ACSBG1: variants seen among roughly 807,000 people sequenced by gnomAD.
ACSBG1 encodes the protein acyl-CoA synthetase bubblegum family member 1.
A neutral mutation model predicts 80.2 loss-of-function variants in ACSBG1; 39 were observed. The observed-to-expected ratio is 0.49, with a 90% CI of 0.38 to 0.64. ACSBG1 has a LOEUF of 0.64. Among genes scored for constraint, ACSBG1 ranks in the 30% least tolerant of loss-of-function variants. The pLI, the probability that ACSBG1 is intolerant of heterozygous loss-of-function variation, is 0.00. For synonymous variants in ACSBG1, 392 were observed against 379.5 expected, an observed-to-expected ratio of 1.03 and a Z score of -0.38; for missense variants, 828 against 966.4, an observed-to-expected ratio of 0.86 and a Z score of 1.90.
chr15:78,200,817 C>T (rs892743164), intron 2 of ACSBG1, among the ~76,000 whole-genome samples: 2 of 152,170 alleles, frequency 1.3e-5, no homozygotes, highest in Non-Finnish European at 2.9e-5. Flanking sequence ...TTGCTAAATC[C>T]AGGTCTGACC....
intron 1 of ACSBG1, among the ~76,000 whole-genome samples, chr15:78,232,770 C>T (rs575965759): frequency 6.6e-6 from 1 of 152,018 alleles, no homozygotes; most frequent in South Asian, 2.1e-4. Context: ...CTGCAATTTC[C>T]ACCTCCCGGG....
intron 1 of ACSBG1, among the ~76,000 whole-genome samples, chr15:78,230,814 T>C (rs1284911157): frequency 6.6e-6 from 1 of 151,874 alleles, no homozygotes; most frequent in Non-Finnish European, 1.5e-5. Context: ...GTAAGTCCAA[T>C]AAACTTCTTT....
chr15:78,230,619 G>C (rs931367693), intron 1 of ACSBG1, among the ~76,000 whole-genome samples: 3 of 152,204 alleles, frequency 2.0e-5, no homozygotes, highest in African/African-American at 7.2e-5. Flanking sequence ...AGACCAGGTG[G>C]GAGGTAATTG....
chr15:78,169,242 T>C lies in ACSBG1; in HGVS notation c.*2202A>G, dbSNP rs2141308668. 1 of 329,576 alleles carries C rather than the reference T, an allele frequency of 3.0e-6. No individual in the cohort carries two copies. Among genetic ancestry groups the C allele is most frequent in the East Asian group, 4.7e-5 (1 of 21,480 alleles). 20.4% of individuals were successfully genotyped at this position (329,576 alleles called of 1,614,324 possible). A position where few individuals can be genotyped will look rare whatever the true frequency, so the allele number is the denominator to read the frequency against. On this transcript the variant is annotated 3_prime_UTR_variant, in exon 14 of 14. Transcript: ENST00000258873. ...TATTAAGTGTCTACCTGGTAAATGT[T>C]TTTTTTGTAAACTCTGAGTGGACTG...
intron 4 of ACSBG1, 144 bp from the exon 5 acceptor site, chr15:78,193,770 C>A: frequency 6.9e-7 from 1 of 1,442,342 alleles, no homozygotes; most frequent in Non-Finnish European, 9.3e-7. Context: ...GCACCTCCTC[C>A]CCTGCAGAGA....
chr15:78,171,865 T>C (rs1365838869), intron 13 of ACSBG1: 2 of 170,096 alleles, frequency 1.2e-5, no homozygotes, highest in Admixed American at 1.2e-4. Context: ...GTACCCAGTT[T>C]TGACCCTCAG....
At chr15:78,234,135 A>G (rs2075473095) in intron 1 of ACSBG1, among the ~76,000 whole-genome samples, 1 of 152,216 alleles carries the variant, frequency 6.6e-6, no homozygotes, top group Non-Finnish European at 1.5e-5. Flanking sequence ...CTGCAGCCCC[A>G]GCTCATACCC....
chr15:78,223,379 G>A (rs951606703), intron 1 of ACSBG1, among the ~76,000 whole-genome samples: 4 of 151,998 alleles, frequency 2.6e-5, no homozygotes, highest in African/African-American at 9.7e-5. Context: ...AACCACCATG[G>A]CACACATTTA....
Position 78,174,402 on chromosome 15 carries a change from T to A in ACSBG1, c.1825A>T (p.Met609Leu). ...LIGDQRKFLSMLLTLKCTLDP... is the reference protein window; with the variant it reads ...LIGDQRKFLSLLLTLKCTLDP... ...AGACACACCTTCAAGGTGAGCAGCA[T>A]GGACAGGAACTTCCTCTGGTCCCCA... is the stretch of plus-strand genomic sequence containing the variant. Residue 609 changes from methionine to leucine, a missense_variant, in exon 12 of 14, where the codon ATG becomes TTG. By Grantham distance (15) the Met-to-Leu change is conservative (BLOSUM62 2). Transcript: ENST00000258873. 6.2e-7 allele frequency: 1 copy of A among 1,614,178 alleles called. No homozygotes were observed. Among genetic ancestry groups the A allele is most frequent in the Non-Finnish European group, 8.5e-7 (1 of 1,180,028 alleles).
chr15:78,212,128 A>G (rs2075271939), intron 1 of ACSBG1, among the ~76,000 whole-genome samples: 1 of 152,190 alleles, frequency 6.6e-6, no homozygotes, highest in Non-Finnish European at 1.5e-5. Flanking sequence ...TTCAGCAGCC[A>G]GGCCACTGTT....
intron 10 of ACSBG1, chr15:78,179,041 T>C (rs1333387024): frequency 1.2e-5 from 7 of 578,824 alleles, no homozygotes; most frequent in Non-Finnish European, 1.8e-5. Flanking sequence ...ACAAATGAAA[T>C]GGTAATGGTA....
chr15:78,193,835 G>A, intron 4 of ACSBG1, 97 bp downstream of exon 4: 12 of 1,482,660 alleles, frequency 8.1e-6, no homozygotes, highest in South Asian at 2.4e-5. Flanking sequence ...GGATGGTGGG[G>A]AGTGGGTGGG....
At chr15:78,203,364 G>A (rs2075185450) in intron 2 of ACSBG1, among the ~76,000 whole-genome samples, 1 of 152,232 alleles carries the variant, frequency 6.6e-6, no homozygotes, top group South Asian at 2.1e-4. Context: ...GGCAACCAAC[G>A]ACTAGATCTA....
Position 78,182,478 on chromosome 15 carries a change from C to G in ACSBG1, c.882G>C (p.Leu294=). 3 of 1,614,122 alleles carry G rather than the reference C, an allele frequency of 1.9e-6. No homozygotes were observed. The South Asian group carries it at 3.3e-5, about 18-fold the overall frequency. ...GCATCTGTCCTACATTGTCTTGACT[C>G]AGCATCACGCCCTTGGGGTTCCCAG... ...GTTGNPKGVM[L]SQDNITWTAR... The change falls in exon 7 of 14, where the codon CTG becomes CTC. Residue 294 remains leucine (L), a synonymous_variant. Coordinates refer to ENST00000258873, the MANE Select transcript of ACSBG1 (RefSeq NM_015162.5).
intron 11 of ACSBG1, chr15:78,174,761 C>T (rs532344531): frequency 5.4e-5 from 29 of 540,210 alleles, no homozygotes; most frequent in African/African-American, 2.7e-4. Context: ...TTGTCATCCA[C>T]GACTCAGCCT....
intron 13 of ACSBG1, 66 bp from the exon 14 acceptor site, chr15:78,171,595 A>G: frequency 7.6e-7 from 1 of 1,312,710 alleles, no homozygotes; most frequent in Non-Finnish European, 1.1e-6. Context: ...TGTGTGTGGT[A>G]AAGACTCACA....
At chr15:78,181,489 CTTTTTTTTTT>C (rs71145901) in intron 8 of ACSBG1, among the ~76,000 whole-genome samples, 3 of 83,044 alleles carry the variant, frequency 3.6e-5, no homozygotes, top group African/African-American at 4.7e-5. Flanking sequence ...CATCAGGTTT[CTTTTTTTTTT>C]TTTTTTTTTT....
rs1028296637 is a variant in ACSBG1, at chr15:78,173,905, G to A, written c.1843-66C>T. ...ACAAGACGTAAGCCCTGGTCCTGGAGGAGGTCTTACTGCTGTCGGCAAGGG... is the reference window on the plus strand; with the variant it reads ...ACAAGACGTAAGCCCTGGTCCTGGAAGAGGTCTTACTGCTGTCGGCAAGGG... On this transcript the variant is annotated intron_variant, in intron 12 of 13. Transcript: ENST00000258873. 57 of 1,558,512 alleles carry A rather than the reference G, an allele frequency of 3.7e-5. No homozygotes were observed. The African/African-American group carries it at 5.4e-4, about 15-fold the overall frequency.
rs534659934 is a variant in ACSBG1, at chr15:78,234,416, C to G, written c.86G>C (p.Arg29Pro). 36 of 1,612,862 alleles carry G rather than the reference C, an allele frequency of 2.2e-5. No homozygotes were observed. Among genetic ancestry groups the G allele is most frequent in the Non-Finnish European group, 2.9e-5 (34 of 1,180,018 alleles). Residue 29 changes from arginine (R) to proline (P), a missense_variant, in exon 1 of 14, where the codon CGG becomes CCG. Physicochemically the swap from Arg to Pro is moderately radical, Grantham distance 103. Transcript: ENST00000258873. ...LDSRETPQESRQDMIVRTTQE... is the reference protein window; with the variant it reads ...LDSRETPQESPQDMIVRTTQE... The stretch of plus-strand genomic sequence containing the variant: ...GGTGGTCCTCACAATCATGTCCTGC[C>G]GGCTCTCCTGTGGGGTCTCTCTGCT...
Sources: gnomAD v4.1 joint callset for allele counts (sites outside exome capture counted in the v4.1 genomes callset) on GRCh38, gnomAD v4.1.1 for gene constraint, MANE v1.5 for transcripts, NCBI Gene and HGNC (gene_info 2026-07-23, HGNC 2026-07-21) for gene names.